ERBB4: variants seen among roughly 807,000 people sequenced by gnomAD.
The protein encoded by ERBB4 is receptor tyrosine-protein kinase erbB-4.
ERBB4 carries 42 observed loss-of-function variants against 158.0 expected under a neutral mutation model. The ratio of observed to expected loss-of-function variants is 0.27; its 90% CI spans 0.21 to 0.34. The LOEUF (loss-of-function observed/expected upper bound fraction) is 0.34, where lower values mean the gene tolerates loss of function less well. Among genes scored for constraint, ERBB4 ranks in the 10% least tolerant of loss-of-function variants. ERBB4 has a pLI of 1.00. For synonymous variants in ERBB4, 583 were observed against 558.7 expected (o/e 1.04, Z -0.61); for missense variants, 1,333 against 1,624.1 (o/e 0.82, Z 3.08).
intron 1 of ERBB4, among the ~76,000 whole-genome samples, chr2:212,287,300 C>T (rs543419520): frequency 2.6e-5 from 4 of 152,228 alleles, no homozygotes; most frequent in East Asian, 3.9e-4. Context: ...GCCAGTCACA[C>T]TTGTAAGAGT....
chr2:211,759,499 C>T (rs537035802), intron 4 of ERBB4, among the ~76,000 whole-genome samples: 2 of 152,158 alleles, frequency 1.3e-5, no homozygotes, highest in Non-Finnish European at 1.5e-5. Context: ...GGGCTTACTC[C>T]TCTCACTGTC....
At chr2:211,709,623 C>T (rs557365543) in intron 9 of ERBB4, among the ~76,000 whole-genome samples, 1 of 152,042 alleles carries the variant, frequency 6.6e-6, no homozygotes, top group Non-Finnish European at 1.5e-5. Flanking sequence ...TAGTTTACAG[C>T]AGTTATCACA....
intron 1 of ERBB4, among the ~76,000 whole-genome samples, chr2:212,491,396 G>T (rs1690268928): frequency 6.6e-6 from 1 of 151,544 alleles, no homozygotes; most frequent in African/African-American, 2.4e-5. Context: ...CCACCATTTT[G>T]AAGGCAATAG....
At chr2:211,825,236 C>T (rs572075749) in intron 3 of ERBB4, among the ~76,000 whole-genome samples, 18 of 151,662 alleles carry the variant, frequency 1.2e-4, no homozygotes, top group Non-Finnish European at 2.9e-5. Context: ...GATTTATTAT[C>T]ATCATCATAA....
At chr2:211,953,465 C>CAAA (rs36024345) in intron 2 of ERBB4, among the ~76,000 whole-genome samples, 492 of 84,356 alleles carry the variant, frequency 5.8e-3, no homozygotes, top group Non-Finnish European at 8.4e-3. Context: ...GGTTTTTCTC[C>CAAA]AAAAAAAAAA....
chr2:212,423,736 G>A (rs2091848008), intron 1 of ERBB4, among the ~76,000 whole-genome samples: 1 of 152,100 alleles, frequency 6.6e-6, no homozygotes. Flanking sequence ...GCTGTCTCTT[G>A]ATAGCTTTGT....
chr2:211,709,255 A>G (rs1430192346), intron 9 of ERBB4, among the ~76,000 whole-genome samples: 7 of 35,918 alleles, frequency 1.9e-4, no homozygotes, highest in East Asian at 9.3e-3. Flanking sequence ...ATATATACAC[A>G]TATATATATA....
At chr2:211,575,775 C>T (rs1009142) in intron 19 of ERBB4, among the ~76,000 whole-genome samples, 136,875 of 152,216 alleles carry the variant, frequency 0.9, 61,707 homozygotes, top group African/African-American at 0.96. Flanking sequence ...GCAGGCAGGA[C>T]TGTGTCATTC....
intron 20 of ERBB4, among the ~76,000 whole-genome samples, chr2:211,549,010 G>T (rs1308476322): frequency 6.6e-6 from 1 of 151,858 alleles, no homozygotes; most frequent in East Asian, 1.9e-4. Flanking sequence ...GGTTCTTTTG[G>T]GCTGGGTTCT....
chr2:211,688,997 C>T (rs1419044027), intron 12 of ERBB4, among the ~76,000 whole-genome samples: 1 of 151,752 alleles, frequency 6.6e-6, no homozygotes, highest in East Asian at 1.9e-4. Context: ...TATATTATGA[C>T]ATTTTATCTT....
At chr2:212,008,523 A>C (rs1002278365) in intron 2 of ERBB4, among the ~76,000 whole-genome samples, 1 of 152,108 alleles carries the variant, frequency 6.6e-6, no homozygotes, top group African/African-American at 2.4e-5. Context: ...CAAATACAAA[A>C]ATTTTGAAAG....
At chr2:212,191,672 T>TCG in intron 1 of ERBB4, among the ~76,000 whole-genome samples, 1 of 147,304 alleles carries the variant, frequency 6.8e-6, no homozygotes, top group African/African-American at 2.5e-5. Context: ...ATGTCATATA[T>TCG]CGCGTGTGTT....
At chr2:211,812,457 C>T (rs185588699) in intron 3 of ERBB4, among the ~76,000 whole-genome samples, 2,302 of 152,248 alleles carry the variant, frequency 0.015, 31 homozygotes, top group Non-Finnish European at 0.023. Context: ...TTAGTCGGCC[C>T]CTACTGGGAG....
At position 211,742,598 on chromosome 2, in the gene ERBB4, T is replaced by TG. The variant is rs570149682; in HGVS notation, c.622+8040_622+8041insC. Among the ~76,000 whole-genome samples, 15 of 151,888 alleles carry TG rather than the reference T, an allele frequency of 9.9e-5. No individual in the cohort carries two copies. The South Asian group carries it at 3.1e-3, about 32-fold the overall frequency. On this transcript the variant is annotated intron_variant, in intron 5 of 27. Coordinates refer to ENST00000342788, the MANE Select transcript of ERBB4 (RefSeq NM_005235.3). ...TCATAAGCCAGGCTAAGGTTTTGTTTTTTTCCCCTTTACTATTAAACTGAA... is the reference window on the plus strand; with the variant it reads ...TCATAAGCCAGGCTAAGGTTTTGTTTGTTTTCCCCTTTACTATTAAACTGAA...
chr2:211,655,979 G>C (rs551746829), intron 16 of ERBB4, among the ~76,000 whole-genome samples: 15 of 152,154 alleles, frequency 9.9e-5, no homozygotes, highest in African/African-American at 3.1e-4. Flanking sequence ...ACATGTAAAG[G>C]CAATAACATA....
At chr2:212,135,748 T>A (rs1359326205) in intron 1 of ERBB4, among the ~76,000 whole-genome samples, 1 of 152,218 alleles carries the variant, frequency 6.6e-6, no homozygotes, top group African/African-American at 2.4e-5. Context: ...TCCTTCTTAT[T>A]TACTTTGTAG....
chr2:212,078,703 C>T (rs1254949591), intron 2 of ERBB4, among the ~76,000 whole-genome samples: 1 of 151,650 alleles, frequency 6.6e-6, no homozygotes, highest in Non-Finnish European at 1.5e-5. Context: ...CAAAGACATC[C>T]ACCATTTGCA....
chr2:212,465,527 A>AT (rs1259603811), intron 1 of ERBB4, among the ~76,000 whole-genome samples: 1 of 152,206 alleles, frequency 6.6e-6, no homozygotes, highest in Non-Finnish European at 1.5e-5. Context: ...TAAAATAACT[A>AT]TTTAAAAAAC....
intron 27 of ERBB4, 35 bp from the exon 28 acceptor site, chr2:211,384,095 T>C: frequency 6.6e-7 from 1 of 1,508,868 alleles, no homozygotes; most frequent in Non-Finnish European, 9.2e-7. Context: ...TAACCTCTAG[T>C]TTCTGGAAAA....
Sources: gnomAD v4.1 joint callset for allele counts (sites outside exome capture counted in the v4.1 genomes callset) on GRCh38, gnomAD v4.1.1 for gene constraint, MANE v1.5 for transcripts, NCBI Gene and HGNC (gene_info 2026-07-23, HGNC 2026-07-21) for gene names.